Variants in COL10A1 observed in about 807,000 individuals in gnomAD.
COL10A1 encodes collagen type X alpha 1 chain, also known as collagen alpha-1(X) chain.
Under a neutral mutation model 18.2 loss-of-function variants are expected in COL10A1, and 10 were observed. That is an observed-to-expected ratio of 0.55 (90% CI 0.34 to 0.93). COL10A1 has a LOEUF of 0.93. COL10A1 is among the 40% of genes least tolerant of loss of function. The pLI, the probability that COL10A1 is intolerant of heterozygous loss-of-function variation, is 0.02. For missense variants in COL10A1, 897 were observed against 853.5 expected (o/e 1.05, Z -0.64); for synonymous variants, 330 against 316.6 (o/e 1.04, Z -0.45).
At chr6:116,125,929 G>A (rs1779287665) in intron 1 of COL10A1, 124 bp downstream of exon 1, 1 of 158,444 alleles carries the variant, frequency 6.3e-6, no homozygotes, top group South Asian at 1.8e-4. Flanking sequence ...GTGCATTTTA[G>A]TAGAAACCCA....
chr6:116,147,472 GA>G (rs1222874576), intron 1 of COL10A1, among the ~76,000 whole-genome samples: 1 of 151,722 alleles, frequency 6.6e-6, no homozygotes, highest in Non-Finnish European at 1.5e-5. Context: ...AAAGATAAAT[GA>G]CAAACTGGGA....
intron 2 of COL10A1, among the ~76,000 whole-genome samples, chr6:116,123,826 A>G (rs1225792764): frequency 6.6e-6 from 1 of 152,256 alleles, no homozygotes; most frequent in Admixed American, 6.5e-5. Context: ...TAGCCAAGAT[A>G]ATGGTGTATA....
chr6:116,150,310 A>G (rs1780007738), intron 1 of COL10A1, among the ~76,000 whole-genome samples: 1 of 151,928 alleles, frequency 6.6e-6, no homozygotes, highest in Admixed American at 6.6e-5. Context: ...TTTTCAGACA[A>G]AGTCTTGCTC....
intron 1 of COL10A1, among the ~76,000 whole-genome samples, chr6:116,144,499 C>CAA (rs542743486): frequency 1.3e-4 from 16 of 125,076 alleles, no homozygotes; most frequent in East Asian, 4.5e-4. Context: ...GACTCCGTCT[C>CAA]AAAAAAAAAA....
chr6:116,161,460 A>C (rs1780328597), upstream of COL10A1, among the ~76,000 whole-genome samples: 1 of 152,174 alleles, frequency 6.6e-6, no homozygotes, highest in African/African-American at 2.4e-5. Flanking sequence ...GTATATAGAT[A>C]GCCAGCTTTC....
the COL10A1 span, among the ~76,000 whole-genome samples, chr6:116,164,130 CAA>C: frequency 6.6e-6 from 1 of 152,120 alleles, no homozygotes; most frequent in Non-Finnish European, 1.5e-5. Context: ...CGTTTTAAGT[CAA>C]GTTTCTTTGA....
chr6:116,162,987 C>T (rs377596536), upstream of COL10A1, among the ~76,000 whole-genome samples: 13 of 151,442 alleles, frequency 8.6e-5, no homozygotes, highest in Non-Finnish European at 1.5e-4. Flanking sequence ...ATTAGCCAGG[C>T]GTGGCGGCAG....
chr6:116,142,612 G>A (rs1219821975), intron 1 of COL10A1, among the ~76,000 whole-genome samples: 2 of 152,094 alleles, frequency 1.3e-5, no homozygotes, highest in African/African-American at 4.8e-5. Context: ...TTAGAGTCAG[G>A]AATGTCTTCA....
chr6:116,131,551 G>A (rs1474797981), intron 1 of COL10A1, among the ~76,000 whole-genome samples: 1 of 152,138 alleles, frequency 6.6e-6, no homozygotes, highest in Non-Finnish European at 1.5e-5. Context: ...ATTGTGTAAA[G>A]ATGGTCTGCA....
the COL10A1 span, among the ~76,000 whole-genome samples, chr6:116,178,111 G>T: frequency 1.2e-5 from 1 of 81,806 alleles, no homozygotes; most frequent in Non-Finnish European, 2.6e-5. Context: ...GCGTGCGTGC[G>T]TGTGTGTGTG....
the COL10A1 span, among the ~76,000 whole-genome samples, chr6:116,204,790 A>T: frequency 6.6e-6 from 1 of 151,972 alleles, no homozygotes; most frequent in African/African-American, 2.4e-5. Flanking sequence ...GAGAGAAAAA[A>T]CTTTGTCCAT....
upstream of COL10A1, among the ~76,000 whole-genome samples, chr6:116,161,583 C>CT (rs1266283798): frequency 6.6e-6 from 1 of 152,038 alleles, no homozygotes; most frequent in African/African-American, 2.4e-5. Flanking sequence ...CTCCATTGAT[C>CT]TATGTGTCTA....
chr6:116,152,324 G>T (rs756378975), intron 1 of COL10A1, among the ~76,000 whole-genome samples: 1 of 151,990 alleles, frequency 6.6e-6, no homozygotes, highest in African/African-American at 2.4e-5. Context: ...TCAACTTATC[G>T]TACCATTTAA....
chr6:116,121,851 C>T lies in COL10A1; in HGVS notation c.265G>A (p.Gly89Arg), dbSNP rs1389735116. The change falls in exon 3 of 3, where the codon GGA (glycine) becomes AGA (arginine). Residue 89 changes from glycine (G) to arginine (R), a missense_variant. Gly to Arg is a moderately radical substitution (Grantham distance 125, BLOSUM62 -2). Transcript: ENST00000651968. ...GGCAACCCTGGCTCTCCTTGGAGTC[C>T]AGGACTTCCGTAGCCTGGTTTTCCT... ...PPGKPGYGSP[G>R]LQGEPGLPGP... is the part of the protein sequence containing the mutation. The T allele has an allele frequency of 3.1e-6, 5 of 1,613,986 alleles. No homozygotes were observed. The highest frequency in any genetic ancestry group is 4.2e-6 in the Non-Finnish European group (5 of 1,179,970).
the COL10A1 span, among the ~76,000 whole-genome samples, chr6:116,170,728 A>T: frequency 2.0e-5 from 3 of 152,322 alleles, no homozygotes; most frequent in South Asian, 6.2e-4. Flanking sequence ...AGCCTTAGCA[A>T]ACTGCTTGCT....
chr6:116,129,548 G>C (rs1265869889), upstream of COL10A1, among the ~76,000 whole-genome samples: 13 of 152,156 alleles, frequency 8.5e-5, no homozygotes, highest in Non-Finnish European at 1.5e-5. Context: ...TTGCTCTCTT[G>C]CACACTTTTG....
intron 1 of COL10A1, among the ~76,000 whole-genome samples, chr6:116,138,266 T>C (rs1243637422): frequency 6.6e-6 from 1 of 152,192 alleles, no homozygotes; most frequent in African/African-American, 2.4e-5. Context: ...TTAAGCATCC[T>C]AGCCAAGATC....
At chr6:116,167,250 G>T in the COL10A1 span, among the ~76,000 whole-genome samples, 6 of 86,000 alleles carry the variant, frequency 7.0e-5, no homozygotes, top group African/African-American at 4.7e-5. Flanking sequence ...ATCTTGTTCT[G>T]TCGCCAGGCT....
chr6:116,212,746 C>T, the COL10A1 span, among the ~76,000 whole-genome samples: 2 of 152,060 alleles, frequency 1.3e-5, no homozygotes, highest in African/African-American at 4.8e-5. Context: ...CTGCTATAAT[C>T]ACTCTGTATT....
Sources: gnomAD v4.1 joint callset for allele counts (sites outside exome capture counted in the v4.1 genomes callset) on GRCh38, gnomAD v4.1.1 for gene constraint, MANE v1.5 for transcripts, NCBI Gene and HGNC (gene_info 2026-07-23, HGNC 2026-07-21) for gene names.